The following ASIC2 variants were observed in gnomAD, a reference collection of about 807,000 sequenced individuals.
ASIC2 encodes acid sensing ion channel subunit 2, also known as acid-sensing ion channel 2.
A neutral mutation model predicts 57.3 loss-of-function variants in ASIC2; 25 were observed. That is an observed-to-expected ratio of 0.44 (90% CI 0.32 to 0.61). The LOEUF (loss-of-function observed/expected upper bound fraction) is 0.61. Among genes scored for constraint, ASIC2 ranks in the 20% least tolerant of loss-of-function variants. ASIC2 has a pLI of 0.06. For synonymous variants in ASIC2, 319 were observed against 307.5 expected (o/e 1.04, Z -0.39); for missense variants, 641 against 738.1 (o/e 0.87, Z 1.52).
intron 1 of ASIC2, among the ~76,000 whole-genome samples, chr17:33,683,018 G>A (rs1402415349): frequency 6.6e-6 from 1 of 152,228 alleles, no homozygotes; most frequent in African/African-American, 2.4e-5. Flanking sequence ...CAACAGAAAT[G>A]TACTGCCTTA....
intron 1 of ASIC2, among the ~76,000 whole-genome samples, chr17:33,734,338 C>T (rs1310986151): frequency 6.6e-6 from 1 of 152,146 alleles, no homozygotes; most frequent in East Asian, 1.9e-4. Context: ...CCCCCGGGCT[C>T]CCACGTGAGG....
At chr17:34,113,410 A>G (rs1166647369) in intron 1 of ASIC2, among the ~76,000 whole-genome samples, 1 of 151,698 alleles carries the variant, frequency 6.6e-6, no homozygotes, top group East Asian at 1.9e-4. Flanking sequence ...GAAATCAAAA[A>G]GTTAGTTGGG....
At chr17:34,007,173 C>A (rs1304670360) in intron 1 of ASIC2, among the ~76,000 whole-genome samples, 1 of 152,178 alleles carries the variant, frequency 6.6e-6, no homozygotes, top group Non-Finnish European at 1.5e-5. Flanking sequence ...GGAGAGTTAG[C>A]ATCAAAATCG....
At chr17:34,037,427 C>T (rs1241994230) in intron 1 of ASIC2, 8 of 554,904 alleles carry the variant, frequency 1.4e-5, no homozygotes, top group South Asian at 7.9e-5. Context: ...AAGGCCTGGC[C>T]GGAGCTGCCC....
intron 2 of ASIC2, among the ~76,000 whole-genome samples, chr17:33,099,633 A>G (rs545023540): frequency 6.6e-6 from 1 of 152,322 alleles, no homozygotes; most frequent in African/African-American, 2.4e-5. Context: ...GAGTTTTCCT[A>G]GTGCATTCAG....
intron 1 of ASIC2, chr17:34,038,031 C>T: frequency 6.2e-7 from 1 of 1,613,406 alleles, no homozygotes; most frequent in Non-Finnish European, 8.5e-7. Context: ...GTACCAGCAC[C>T]TTGTGATGTT....
chr17:33,492,331 T>A (rs1567629433), intron 1 of ASIC2, among the ~76,000 whole-genome samples: 1 of 152,346 alleles, frequency 6.6e-6, no homozygotes, highest in East Asian at 1.9e-4. Context: ...ACTCACAAGT[T>A]GTGGTGCCTT....
chr17:33,272,097 A>G (rs972393194), intron 1 of ASIC2, among the ~76,000 whole-genome samples: 2 of 152,126 alleles, frequency 1.3e-5, no homozygotes, highest in Non-Finnish European at 2.9e-5. Context: ...TCCCCCTATC[A>G]TTTTGATCTT....
At chr17:33,654,907 T>C (rs1302144177) in intron 1 of ASIC2, among the ~76,000 whole-genome samples, 1 of 151,950 alleles carries the variant, frequency 6.6e-6, no homozygotes, top group African/African-American at 2.4e-5. Flanking sequence ...AGGTGGGAGG[T>C]TCGCTTGAGA....
chr17:33,944,536 A>T (rs1273737768), intron 1 of ASIC2, among the ~76,000 whole-genome samples: 3 of 152,174 alleles, frequency 2.0e-5, no homozygotes, highest in African/African-American at 7.2e-5. Flanking sequence ...GTAGGGCTGG[A>T]TGGAGAGGAG....
At chr17:33,829,426 C>T (rs8072426) in intron 1 of ASIC2, among the ~76,000 whole-genome samples, 17,798 of 152,132 alleles carry the variant, frequency 0.12, 1,088 homozygotes, top group East Asian at 0.18. Context: ...GATGGGGATA[C>T]AGCTGATATT....
intron 1 of ASIC2, among the ~76,000 whole-genome samples, chr17:34,059,127 AAGGAAGTGGACTGCTCCTGC>A (rs1269217719): frequency 6.6e-6 from 1 of 152,202 alleles, no homozygotes; most frequent in African/African-American, 2.4e-5. Context: ...AGACCCTCTG[AAGGAAGTGGACTGCTCCTGC>A]AGGACCTGGG....
chr17:33,543,845 A>T (rs1915498141), intron 1 of ASIC2, among the ~76,000 whole-genome samples: 1 of 152,234 alleles, frequency 6.6e-6, no homozygotes, highest in South Asian at 2.1e-4. Context: ...AGTCTGTTTC[A>T]GTCTTTCAGC....
chr17:33,325,186 G>A (rs1048314977), intron 1 of ASIC2, among the ~76,000 whole-genome samples: 1 of 152,234 alleles, frequency 6.6e-6, no homozygotes, highest in Non-Finnish European at 1.5e-5. Flanking sequence ...ATAGTCCAGT[G>A]AGGAAAGCAG....
At chr17:33,848,213 C>G (rs1949358035) in intron 1 of ASIC2, among the ~76,000 whole-genome samples, 1 of 152,162 alleles carries the variant, frequency 6.6e-6, no homozygotes. Flanking sequence ...AAATCCCATT[C>G]TACTGGAGCT....
rs77749356 is a variant in ASIC2, at chr17:33,826,433, C to A, written c.555+329545G>T. On this transcript the variant is annotated intron_variant, in intron 1 of 9. Transcript: ENST00000359872. ...ATAGCAACTCCAACCATCTGTCCAC[C>A]AACCATATGCGAGGTCCCGTGATCT... 3.1e-3 allele frequency among the ~76,000 whole-genome samples: 470 copies of A among 152,296 alleles called. 2 individuals are homozygous for A. The highest frequency in any genetic ancestry group is 0.011 in the African/African-American group (462 of 41,556).
At chr17:34,107,403 G>A (rs573200365) in intron 1 of ASIC2, among the ~76,000 whole-genome samples, 1 of 152,226 alleles carries the variant, frequency 6.6e-6, no homozygotes, top group African/African-American at 2.4e-5. Flanking sequence ...CAGCTACTTG[G>A]GTTGCTGAGG....
intron 1 of ASIC2, among the ~76,000 whole-genome samples, chr17:33,265,054 C>T (rs1909412997): frequency 6.6e-6 from 1 of 152,232 alleles, no homozygotes; most frequent in South Asian, 2.1e-4. Context: ...GAACCATATG[C>T]TGTGTGGCCT....
At chr17:33,343,415 C>T (rs1398053688) in intron 1 of ASIC2, among the ~76,000 whole-genome samples, 1 of 152,230 alleles carries the variant, frequency 6.6e-6, no homozygotes, top group Non-Finnish European at 1.5e-5. Flanking sequence ...TTCCTCGCCT[C>T]TGGACATTAG....
Sources: gnomAD v4.1 joint callset for allele counts (sites outside exome capture counted in the v4.1 genomes callset) on GRCh38, gnomAD v4.1.1 for gene constraint, MANE v1.5 for transcripts, NCBI Gene and HGNC (gene_info 2026-07-23, HGNC 2026-07-21) for gene names.